Variants in PTPN4 observed in about 807,000 individuals in gnomAD.
PTPN4 encodes the protein tyrosine-protein phosphatase non-receptor type 4.
Under a neutral mutation model 135.5 loss-of-function variants are expected in PTPN4, and 49 were observed. The ratio of observed to expected loss-of-function variants is 0.36; its 90% CI spans 0.29 to 0.46. The LOEUF (loss-of-function observed/expected upper bound fraction) is 0.46. PTPN4 is among the 20% of genes least tolerant of loss of function. The pLI is 1.00. For synonymous variants in PTPN4, 333 were observed against 369.9 expected, an observed-to-expected ratio of 0.90 and a Z score of 1.14; for missense variants, 860 against 1,101.0, an observed-to-expected ratio of 0.78 and a Z score of 3.10.
rs36087727 is a variant in PTPN4 at position 119,761,176 on chromosome 2, G to A, written c.-18+792G>A. 6.4e-3 allele frequency among the ~76,000 whole-genome samples: 976 copies of A among 152,298 alleles called. 9 individuals are homozygous for A. Among genetic ancestry groups the A allele is most frequent in the Non-Finnish European group, 8.1e-3 (551 of 68,016 alleles). ...TTTCTGTGTCCAGATCTTGGGCCCA[G>A]TTGAAACAGTACAGCTGATTGGTCA... On this transcript the variant is annotated intron_variant, in intron 1 of 26. Coordinates refer to ENST00000263708, the MANE Select transcript of PTPN4 (RefSeq NM_002830.4).
chr2:119,961,656 A>G (rs988675555), intron 23 of PTPN4, among the ~76,000 whole-genome samples: 1 of 152,252 alleles, frequency 6.6e-6, no homozygotes, highest in African/African-American at 2.4e-5. Context: ...AACAACTCAA[A>G]TATACAAATA....
chr2:119,968,862 T>G (rs545970764), intron 26 of PTPN4, among the ~76,000 whole-genome samples: 56 of 152,306 alleles, frequency 3.7e-4, no homozygotes, highest in African/African-American at 1.1e-3. Context: ...CATTCTACAC[T>G]GAGTATTAAT....
chr2:119,886,017 T>TTTAA, intron 9 of PTPN4, 135 bp downstream of exon 9: 1 of 563,018 alleles, frequency 1.8e-6, no homozygotes, highest in Non-Finnish European at 3.0e-6. Flanking sequence ...TTCCTCTGAA[T>TTTAA]TTAAGTATTT....
intron 3 of PTPN4, among the ~76,000 whole-genome samples, chr2:119,869,926 C>T (rs1479209626): frequency 6.6e-6 from 1 of 152,194 alleles, no homozygotes; most frequent in Non-Finnish European, 1.5e-5. Context: ...GGAAAGATTT[C>T]TGGGTAATGT....
intron 1 of PTPN4, among the ~76,000 whole-genome samples, chr2:119,785,384 A>C (rs1262732980): frequency 6.6e-6 from 1 of 152,234 alleles, no homozygotes; most frequent in Non-Finnish European, 1.5e-5. Context: ...TGCACACTTA[A>C]GTGAGAGAAA....
intron 9 of PTPN4, among the ~76,000 whole-genome samples, chr2:119,897,360 A>T (rs917424564): frequency 6.6e-6 from 1 of 152,176 alleles, no homozygotes; most frequent in Admixed American, 6.5e-5. Context: ...ATGGAAAATG[A>T]TATTTCAAAA....
At chr2:119,770,033 A>G (rs1690706269) in intron 1 of PTPN4, among the ~76,000 whole-genome samples, 1 of 152,260 alleles carries the variant, frequency 6.6e-6, no homozygotes, top group African/African-American at 2.4e-5. Flanking sequence ...CTAGCAATAC[A>G]ATTAAAAATT....
chr2:119,906,242 G>A (rs1224872288), intron 10 of PTPN4, among the ~76,000 whole-genome samples: 5 of 152,118 alleles, frequency 3.3e-5, no homozygotes, highest in African/African-American at 1.2e-4. Context: ...GGTGGCACAT[G>A]CCTGTAGTCC....
At chr2:119,851,526 T>C (rs545267038) in intron 2 of PTPN4, among the ~76,000 whole-genome samples, 10 of 152,176 alleles carry the variant, frequency 6.6e-5, no homozygotes, top group Non-Finnish European at 1.2e-4. Flanking sequence ...GCTGTCCATA[T>C]GCACAGTGCC....
chr2:119,945,201 T>C lies in PTPN4; in HGVS notation c.1476T>C (p.Asn492=). The change falls in exon 16 of 27, where the codon AAT becomes AAC. Residue 492 remains asparagine (N), a synonymous_variant. Coordinates refer to ENST00000263708, the MANE Select transcript of PTPN4 (RefSeq NM_002830.4). ...HSQQDLESHI[N]ETFDIPSSPE... ...AACAAGATCTAGAAAGTCATATTAA[T>C]GAAACATTTGATATTCCATCTTCTC... is the stretch of plus-strand genomic sequence containing the variant. 6.3e-7 allele frequency: 1 copy of C among 1,592,986 alleles called. No individual in the cohort carries two copies. The highest frequency in any genetic ancestry group is 8.5e-7 in the Non-Finnish European group (1 of 1,171,322).
intron 2 of PTPN4, among the ~76,000 whole-genome samples, chr2:119,858,577 T>C (rs1048737299): frequency 6.6e-6 from 1 of 152,162 alleles, no homozygotes; most frequent in African/African-American, 2.4e-5. Flanking sequence ...TGTCACCTCA[T>C]TTTTTTCTTG....
At chr2:119,944,497 C>T (rs770523546) in intron 15 of PTPN4, among the ~76,000 whole-genome samples, 1 of 152,144 alleles carries the variant, frequency 6.6e-6, no homozygotes, top group Non-Finnish European at 1.5e-5. Flanking sequence ...GAGGCTTATG[C>T]TCTCTAATGT....
Position 119,955,172 on chromosome 2 carries a change from T to C in PTPN4, c.1829T>C (p.Val610Ala). 6 of 1,607,764 alleles carry C rather than the reference T, an allele frequency of 3.7e-6. No individual in the cohort carries two copies. The highest frequency in any genetic ancestry group is 5.1e-6 in the Non-Finnish European group (6 of 1,178,264). Residue 610 changes from valine to alanine, a missense_variant, in exon 20 of 27, where the codon GTG becomes GCG. Transcript: ENST00000263708. ...TTTTTTTTAGCTGTATATGATGTAG[T>C]GGAAGAAAAGCTAGAAAATGAGCCA... ...LVRPNAVYDV[V>A]EEKLENEPDF...
intron 11 of PTPN4, chr2:119,915,791 C>A (rs1047198699): frequency 2.6e-5 from 4 of 152,200 alleles, no homozygotes; most frequent in African/African-American, 9.6e-5. Context: ...CTAACCTTAT[C>A]CTTTGATGTA....
Position 119,880,596 on chromosome 2 carries a change from A to AT in PTPN4, c.369-1177dup, listed in dbSNP as rs754993839. Among the ~76,000 whole-genome samples, 803 of 143,362 alleles carry AT rather than the reference A, an allele frequency of 5.6e-3. 7 individuals carry two copies. The highest frequency in any genetic ancestry group is 0.015 in the African/African-American group (606 of 39,278). The allele number at this position is 143,362 out of a possible 152,430, so 94.1% of individuals were successfully genotyped here. On this transcript the variant is annotated intron_variant, in intron 5 of 26. Transcript: ENST00000263708. ...AGGTGCCTGCCATCACGCCTGGCTA[A>AT]TTTTTTTTTTTTTGTATTTTTAGTA...
At chr2:119,799,285 G>T (rs776664225) in intron 1 of PTPN4, among the ~76,000 whole-genome samples, 5 of 152,148 alleles carry the variant, frequency 3.3e-5, no homozygotes, top group Non-Finnish European at 7.3e-5. Context: ...CAGGAACAGT[G>T]ATTATTTCAA....
At chr2:119,830,736 A>G (rs1044080361) in intron 2 of PTPN4, among the ~76,000 whole-genome samples, 6 of 152,036 alleles carry the variant, frequency 3.9e-5, no homozygotes, top group Non-Finnish European at 7.4e-5. Context: ...CCAAAGTGCT[A>G]CAGGCATGAG....
At chr2:119,785,214 G>C (rs189591394) in intron 1 of PTPN4, among the ~76,000 whole-genome samples, 3 of 152,250 alleles carry the variant, frequency 2.0e-5, no homozygotes, top group Non-Finnish European at 1.5e-5. Context: ...ACTTGCCCCT[G>C]TTTGAGAACC....
At chr2:119,811,369 C>T (rs1435867317) in intron 2 of PTPN4, among the ~76,000 whole-genome samples, 1 of 152,126 alleles carries the variant, frequency 6.6e-6, no homozygotes, top group African/African-American at 2.4e-5. Flanking sequence ...GTGAATATTA[C>T]ATCATTATCA....
Sources: allele counts gnomAD v4.1 joint callset (sites outside exome capture counted in the v4.1 genomes callset), GRCh38; gene constraint gnomAD v4.1.1; transcripts MANE v1.5; gene names NCBI Gene and HGNC (gene_info 2026-07-23, HGNC 2026-07-21).